The following PTPRB variants were observed in gnomAD, a reference collection of about 807,000 sequenced individuals.
The protein encoded by PTPRB is receptor-type tyrosine-protein phosphatase beta.
A neutral mutation model predicts 238.1 loss-of-function variants in PTPRB; 97 were observed. The ratio of observed to expected loss-of-function variants is 0.41; its 90% CI spans 0.35 to 0.48. PTPRB has a LOEUF of 0.48. PTPRB is among the 20% of genes least tolerant of loss of function. The pLI, the probability that PTPRB is intolerant of heterozygous loss-of-function variation, is 0.30. For synonymous variants in PTPRB, 970 were observed against 995.4 expected, an observed-to-expected ratio of 0.97 and a Z score of 0.48; for missense variants, 2,292 against 2,681.9, an observed-to-expected ratio of 0.85 and a Z score of 3.21.
intron 16 of PTPRB, 82 bp from the exon 17 acceptor site, chr12:70,561,016 T>C (rs1193289644): frequency 1.3e-5 from 18 of 1,388,116 alleles, no homozygotes; most frequent in Non-Finnish European, 1.7e-5. Context: ...TATGCTATGT[T>C]GGGCATGTGG....
rs11178307 is a variant in PTPRB, at chr12:70,580,901, C to T, written c.2578+135G>A. ...TCCATTCCATATACCTTCTGGATGGCTAGCTTTTGTGAAACTTAGCTTTTG... is the reference window on the plus strand; with the variant it reads ...TCCATTCCATATACCTTCTGGATGGTTAGCTTTTGTGAAACTTAGCTTTTG... On this transcript the variant is annotated intron_variant, in intron 10 of 33. Transcript: ENST00000334414. 11,301 of 950,512 alleles carry T rather than the reference C, an allele frequency of 0.012. 467 individuals are homozygous for T. The East Asian group carries it at 0.12, about 10-fold the overall frequency. The allele number at this position is 950,512 out of a possible 1,614,324, so 58.9% of individuals were successfully genotyped here.
chr12:70,598,897 T>C (rs917968129), intron 4 of PTPRB, among the ~76,000 whole-genome samples: 1 of 152,246 alleles, frequency 6.6e-6, no homozygotes, highest in Non-Finnish European at 1.5e-5. Context: ...AGACTTTATC[T>C]AATCTTTCTG....
At chr12:70,617,356 C>G (rs964036633) in intron 3 of PTPRB, among the ~76,000 whole-genome samples, 1 of 152,172 alleles carries the variant, frequency 6.6e-6, no homozygotes, top group African/African-American at 2.4e-5. Flanking sequence ...GAAACGTATC[C>G]TCCCCACAAT....
chr12:70,545,599 T>G (rs1592437010), intron 21 of PTPRB, among the ~76,000 whole-genome samples: 1 of 151,982 alleles, frequency 6.6e-6, no homozygotes, highest in South Asian at 2.1e-4. Context: ...GGAAACAGTG[T>G]GTGTGGGCAT....
In PTPRB at chr12:70,590,212, A is replaced by G. The variant is rs1236118596; in HGVS notation, c.1802T>C (p.Leu601Pro). 4 of 1,572,350 alleles carry G rather than the reference A, an allele frequency of 2.5e-6. No homozygotes were observed. Among genetic ancestry groups the G allele is most frequent in the African/African-American group, 2.7e-5 (2 of 73,718 alleles). ...GRTFPDKVAN[L>P]EANNNGRMRS... ...CATCCTGCCATTATTGTTTGCCTCC[A>G]GGTTTGCAACTTTGTCTGGAACTAA... The change falls in exon 8 of 34, where the codon CTG becomes CCG. Residue 601 changes from leucine (L) to proline (P), a missense_variant. Transcript: ENST00000334414.
At chr12:70,530,495 CAT>C (rs1176848418) in intron 32 of PTPRB, among the ~76,000 whole-genome samples, 1 of 140,126 alleles carries the variant, frequency 7.1e-6, no homozygotes, top group Non-Finnish European at 1.5e-5. Flanking sequence ...GTATTACACA[CAT>C]ACATATATAC....
At chr12:70,617,859 G>A (rs973103975) in intron 3 of PTPRB, among the ~76,000 whole-genome samples, 3 of 152,020 alleles carry the variant, frequency 2.0e-5, no homozygotes, top group Admixed American at 2.0e-4. Flanking sequence ...AAGGGTGGGT[G>A]GGCAGGGAAA....
At position 70,538,218 on chromosome 12, in the gene PTPRB, T is replaced by G. The variant is rs769835140; in HGVS notation, c.5883A>C (p.Arg1961=). 1 of 1,613,490 alleles carries G rather than the reference T, an allele frequency of 6.2e-7. No individual in the cohort carries two copies. Among genetic ancestry groups the G allele is most frequent in the Non-Finnish European group, 8.5e-7 (1 of 1,179,658 alleles). ...YNNILPYDAT[R]VKLSNVDDDP... ...CATCATCTACATTGGAGAGCTTCAC[T>G]CGCGTGGCATCATCTGGAAGGAGAG... Residue 1961 remains arginine (R), a synonymous_variant, in exon 28 of 34, where the codon CGA becomes CGC. Transcript: ENST00000334414.
chr12:70,592,704 A>T (rs1489009956), intron 6 of PTPRB, among the ~76,000 whole-genome samples, 159 bp from the exon 7 acceptor site: 1 of 152,260 alleles, frequency 6.6e-6, no homozygotes, highest in Non-Finnish European at 1.5e-5. Flanking sequence ...AGATGGTGAA[A>T]AAATAAAAAT....
chr12:70,622,179 C>T (rs191377114), intron 3 of PTPRB, among the ~76,000 whole-genome samples: 36 of 152,282 alleles, frequency 2.4e-4, no homozygotes, highest in East Asian at 1.5e-3. Context: ...GCCTAATTAT[C>T]GGCATCTCAT....
chr12:70,606,684 T>A (rs1883974941), intron 4 of PTPRB, among the ~76,000 whole-genome samples: 1 of 152,226 alleles, frequency 6.6e-6, no homozygotes, highest in Non-Finnish European at 1.5e-5. Context: ...ATGCATCTCA[T>A]CTCTATAGCT....
intron 9 of PTPRB, among the ~76,000 whole-genome samples, chr12:70,582,468 C>T (rs948023983): frequency 6.6e-6 from 1 of 152,058 alleles, no homozygotes; most frequent in Non-Finnish European, 1.5e-5. Flanking sequence ...AAAGGGCAGA[C>T]AGAAACATAG....
chr12:70,539,803 TA>T, intron 25 of PTPRB, 23 bp downstream of exon 25: 1 of 1,598,558 alleles, frequency 6.3e-7, no homozygotes, highest in East Asian at 2.2e-5. Flanking sequence ...GATAATATAG[TA>T]ATTAATGTGT....
rs1179899819 is a variant in PTPRB at position 70,515,918 on chromosome 12, A to G, written c.*5571T>C. ...CTGTACTAGTGAGAATGTATGCAAG[A>G]TGCTATATAGATTTTTTTTTTACCA... On this transcript the variant is annotated 3_prime_UTR_variant, in exon 34 of 34. Transcript: ENST00000334414. 3 of 119,616 alleles carry G rather than the reference A, an allele frequency of 2.5e-5. No individual in the cohort carries two copies. In the East Asian group the frequency reaches 1.0e-3, roughly 40 times the overall value. The allele number at this position is 119,616 out of a possible 1,614,324, so 7.4% of individuals were successfully genotyped here.
At position 70,622,656 on chromosome 12, in the gene PTPRB, A is replaced by G. The variant is rs1371866582; in HGVS notation, c.452-10T>C. ...TCTGCTCCCAGGCCAGCTGAGGTAAAGAAAAGATAGTTGCAAAGATTATTC... is the reference window on the plus strand; with the variant it reads ...TCTGCTCCCAGGCCAGCTGAGGTAAGGAAAAGATAGTTGCAAAGATTATTC... On this transcript the variant is annotated splice_polypyrimidine_tract_variant and intron_variant, in intron 2 of 33. Coordinates refer to ENST00000334414, the MANE Select transcript of PTPRB (RefSeq NM_001109754.4). The G allele has an allele frequency of 5.8e-6, 9 of 1,545,760 alleles. No homozygotes were observed. Among genetic ancestry groups the G allele is most frequent in the Non-Finnish European group, 7.9e-6 (9 of 1,139,650 alleles).
chr12:70,608,997 A>T lies in PTPRB; in HGVS notation c.979+72T>A, dbSNP rs1293737787. The T allele has an allele frequency of 3.9e-6, 6 of 1,519,602 alleles. No individual in the cohort carries two copies. The Admixed American group carries it at 1.2e-4, about 29-fold the overall frequency. 94.1% of individuals were successfully genotyped at this position (1,519,602 alleles called of 1,614,324 possible). On this transcript the variant is annotated intron_variant, in intron 4 of 33. Transcript: ENST00000334414. ...TTTTTGTATCCCTGGAACTCAAATG[A>T]AACACCAGCTTGAAAAGGCAGGGCC... is the stretch of plus-strand genomic sequence containing the variant.
chr12:70,599,584 C>A (rs1028135304), intron 4 of PTPRB, among the ~76,000 whole-genome samples: 2 of 152,132 alleles, frequency 1.3e-5, no homozygotes, highest in East Asian at 1.9e-4. Context: ...TGGTTCCCAA[C>A]AGACCTGAAA....
At chr12:70,630,063 G>C (rs1441989832) in intron 2 of PTPRB, among the ~76,000 whole-genome samples, 1 of 151,966 alleles carries the variant, frequency 6.6e-6, no homozygotes, top group East Asian at 1.9e-4. Context: ...CCAATCAACA[G>C]AAAAAGAGGG....
intron 17 of PTPRB, among the ~76,000 whole-genome samples, chr12:70,559,894 G>A (rs1488182286): frequency 2.7e-5 from 4 of 148,734 alleles, no homozygotes; most frequent in African/African-American, 7.5e-5. Flanking sequence ...GAAGTGCAGT[G>A]GAGTGATCTT....
Sources: gnomAD v4.1 joint callset for allele counts (sites outside exome capture counted in the v4.1 genomes callset) on GRCh38, gnomAD v4.1.1 for gene constraint, MANE v1.5 for transcripts, NCBI Gene and HGNC (gene_info 2026-07-23, HGNC 2026-07-21) for gene names.